The following AKR1C3 variants were observed in gnomAD, a reference collection of about 807,000 sequenced individuals.
AKR1C3 encodes the protein aldo-keto reductase family 1 member C3.
A neutral mutation model predicts 43.6 loss-of-function variants in AKR1C3; 48 were observed. The observed-to-expected ratio is 1.10, with a 90% CI of 0.87 to 1.40. AKR1C3 has a LOEUF of 1.40. Ranked by LOEUF, AKR1C3 falls within the 40% of genes most tolerant of loss-of-function variation. The pLI is 0.00. For synonymous variants in AKR1C3, 162 were observed against 139.6 expected (o/e 1.16, Z -1.13); for missense variants, 482 against 391.2 (o/e 1.23, Z -1.96).
intron 8 of AKR1C3, among the ~76,000 whole-genome samples, chr10:5,106,003 T>C (rs1839491335): frequency 6.6e-6 from 1 of 152,224 alleles, no homozygotes; most frequent in Non-Finnish European, 1.5e-5. Context: ...TGTGACTTCA[T>C]TAGATGTTTC....
chr10:5,064,921 C>CA (rs35858845), intron 1 of AKR1C3, among the ~76,000 whole-genome samples: 108,679 of 141,848 alleles, frequency 0.77, 41,887 homozygotes, highest in South Asian at 0.91. Flanking sequence ...ACAAAATAAG[C>CA]AAAAAAAAAA....
chr10:5,050,595 C>A (rs1329736777), intron 1 of AKR1C3, among the ~76,000 whole-genome samples: 1 of 151,944 alleles, frequency 6.6e-6, no homozygotes, highest in Non-Finnish European at 1.5e-5. Flanking sequence ...TGGTAGATAC[C>A]ATTGTTGATA....
intron 1 of AKR1C3, among the ~76,000 whole-genome samples, chr10:5,075,858 G>A (rs1248676779): frequency 4.6e-5 from 7 of 150,822 alleles, no homozygotes; most frequent in African/African-American, 1.2e-4. Flanking sequence ...TGGGCAATAA[G>A]AGCAAAACTC....
In AKR1C3 at chr10:5,061,915, G is replaced by T. The variant is rs1464845375; in HGVS notation, c.84+13020G>T. Among the ~76,000 whole-genome samples, 6 of 152,218 alleles carry T rather than the reference G, an allele frequency of 3.9e-5. No individual in the cohort carries two copies. In the East Asian group the frequency reaches 9.7e-4, roughly 24 times the overall value. On this transcript the variant is annotated intron_variant, in intron 1 of 8. Coordinates refer to the AKR1C3 transcript ENST00000439082. ...ATTACTCTCAAATTAAGGCCAAAATGGTGAATAATACATCTAATAAAGCAA... is the reference window on the plus strand; with the variant it reads ...ATTACTCTCAAATTAAGGCCAAAATTGTGAATAATACATCTAATAAAGCAA...
intron 1 of AKR1C3, among the ~76,000 whole-genome samples, chr10:5,054,902 C>A (rs558997141): frequency 5.3e-5 from 8 of 152,336 alleles, no homozygotes; most frequent in African/African-American, 1.9e-4. Flanking sequence ...GTAAGACTCC[C>A]ACCTCCTTGG....
intron 1 of AKR1C3, among the ~76,000 whole-genome samples, chr10:5,076,835 C>G (rs10795242): frequency 0.86 from 130,104 of 152,160 alleles, 55,718 homozygotes; most frequent in Middle Eastern, 0.92. Flanking sequence ...CAAAGGAGCA[C>G]TGCCTTTGCT....
At chr10:5,097,913 G>T in intron 3 of AKR1C3, 1 of 1,063,812 alleles carries the variant, frequency 9.4e-7, no homozygotes, top group Non-Finnish European at 1.1e-6. Flanking sequence ...CACATGTGAT[G>T]CACAATGAGT....
At chr10:5,105,484 GTTTAAAACTTACCAATATTTTAAGTA>G in intron 7 of AKR1C3, 85 bp from the exon 8 acceptor site, 1 of 801,626 alleles carries the variant, frequency 1.2e-6, no homozygotes, top group Non-Finnish European at 2.0e-6. Context: ...TTCTATAACT[GTTTAAAACTTACCAATATTTTAAGTA>G]TTGTCTCTGC....
rs1333812373 is a variant in AKR1C3 at position 5,102,494 on chromosome 10, G to A, written c.690G>A (p.Pro230=). 5 of 1,550,802 alleles carry A rather than the reference G, an allele frequency of 3.2e-6. No homozygotes were observed. Among genetic ancestry groups the A allele is most frequent in the Admixed American group, 2.0e-5 (1 of 50,576 alleles). Residue 230 remains proline (P), a synonymous_variant, in exon 7 of 9, where the codon CCG becomes CCA. Transcript: ENST00000380554. ...GSQRDKRWVD[P]NSPVLLEDPV... is the part of the protein sequence containing the mutation. ...CTGCCTTTCCTTCCAGGGTGGACCC[G>A]AACTCCCCGGTGCTCTTGGAGGACC...
chr10:5,069,507 A>G (rs1411081963), intron 1 of AKR1C3, among the ~76,000 whole-genome samples: 3 of 152,166 alleles, frequency 2.0e-5, no homozygotes, highest in African/African-American at 4.8e-5. Flanking sequence ...TTTCCAGCAC[A>G]TTTTGCCTAC....
intron 1 of AKR1C3, among the ~76,000 whole-genome samples, chr10:5,069,775 G>T (rs1268624118): frequency 3.3e-5 from 5 of 152,082 alleles, no homozygotes; most frequent in African/African-American, 1.2e-4. Flanking sequence ...TTGGGAGGCT[G>T]AGGCATGAGT....
rs7741 is a variant in AKR1C3 at position 5,096,415 on chromosome 10, G to T, written c.90G>T (p.Pro30=). The T allele has an allele frequency of 6.2e-7, 1 of 1,612,200 alleles. No individual in the cohort carries two copies. The highest frequency in any genetic ancestry group is 1.1e-5 in the South Asian group (1 of 90,874). Reference sequence around the variant, plus strand: ...ACCTTTGGTTGCTCCTCCAGGTTCCGAGAAGTAAAGCTTTGGAGGTCACAA... The same window carrying T: ...ACCTTTGGTTGCTCCTCCAGGTTCCTAGAAGTAAAGCTTTGGAGGTCACAA... ...GFGTYAPPEV[P]RSKALEVTKL... Residue 30 remains proline (P), a synonymous_variant, in exon 2 of 9, where the codon CCG becomes CCT. Coordinates refer to ENST00000380554, the MANE Select transcript of AKR1C3 (RefSeq NM_003739.6).
chr10:5,089,597 G>A (rs368140601), upstream of AKR1C3, among the ~76,000 whole-genome samples: 1 of 151,804 alleles, frequency 6.6e-6, no homozygotes, highest in East Asian at 1.9e-4. Context: ...CAAATTTTTG[G>A]TTTTTTCCCA....
At chr10:5,068,622 T>C (rs1554781030) in intron 1 of AKR1C3, among the ~76,000 whole-genome samples, 1 of 152,212 alleles carries the variant, frequency 6.6e-6, no homozygotes, top group Non-Finnish European at 1.5e-5. Flanking sequence ...AATTGTAATG[T>C]AAAACCTGCT....
Position 5,102,101 on chromosome 10 carries a change from G to C in AKR1C3, c.571G>C (p.Val191Leu). The C allele has an allele frequency of 6.2e-7, 1 of 1,603,710 alleles. No homozygotes were observed. Among genetic ancestry groups the C allele is most frequent in the South Asian group, 1.1e-5 (1 of 90,614 alleles). ...GCTTCTCTCTTTTGGTCAACTGCAG[G>C]TAGAATGTCATCCGTATTTCAACCG... ...GLKYKPVCNQ[V>L]ECHPYFNRSK... is the part of the protein sequence containing the mutation. Residue 191 changes from valine to leucine, a missense_variant and splice_region_variant, in exon 6 of 9, where the codon GTA (valine) becomes CTA (leucine). By Grantham distance (32) the Val-to-Leu change is conservative. Transcript: ENST00000380554.
Position 5,087,520 on chromosome 10 carries a change from A to C in AKR1C3, c.85-8890A>C, listed in dbSNP as rs142955055. Among the ~76,000 whole-genome samples, 527 of 151,738 alleles carry C rather than the reference A, an allele frequency of 3.5e-3. 24 individuals are homozygous for C. The East Asian group carries it at 0.086, about 25-fold the overall frequency. On this transcript the variant is annotated intron_variant, in intron 1 of 8. Transcript: ENST00000439082. ...TCCAAGTAGCTGAGATTACAGGCAC[A>C]CACCACCATGCCTGGCTACTGTTTT...
intron 1 of AKR1C3, among the ~76,000 whole-genome samples, chr10:5,068,010 A>G (rs963107807): frequency 6.6e-6 from 1 of 152,176 alleles, no homozygotes; most frequent in South Asian, 2.1e-4. Context: ...CAGACCATGG[A>G]GTTTATTCAA....
At chr10:5,104,510 G>T (rs117072774) in intron 7 of AKR1C3, among the ~76,000 whole-genome samples, 1,546 of 150,510 alleles carry the variant, frequency 0.01, 77 homozygotes, top group Admixed American at 0.075. Context: ...TACCAGAATG[G>T]TACAACTTTT....
In AKR1C3 at chr10:5,065,465, T is replaced by C. The variant is rs560799541; in HGVS notation, c.84+16570T>C. ...ATATTAGGAGGTTGGTACTTAGGAG[T>C]TGATTGTGTTACCGAAAGAGGGTGT... On this transcript the variant is annotated intron_variant, in intron 1 of 8. Coordinates refer to the AKR1C3 transcript ENST00000439082. 3.9e-5 allele frequency among the ~76,000 whole-genome samples: 6 copies of C among 152,156 alleles called. No individual in the cohort carries two copies. In the South Asian group the frequency reaches 6.2e-4, roughly 16 times the overall value.
Sources: gnomAD v4.1 joint callset for allele counts (sites outside exome capture counted in the v4.1 genomes callset) on GRCh38, gnomAD v4.1.1 for gene constraint, MANE v1.5 for transcripts, NCBI Gene and HGNC (gene_info 2026-07-23, HGNC 2026-07-21) for gene names.